The following ZBTB10 variants were observed in gnomAD, a reference collection of about 807,000 sequenced individuals.
ZBTB10 encodes zinc finger and BTB domain-containing protein 10.
ZBTB10 carries 32 observed loss-of-function variants against 76.4 expected under a neutral mutation model. That is an observed-to-expected ratio of 0.42 (90% CI 0.32 to 0.56). ZBTB10 has a LOEUF of 0.56. Among genes scored for constraint, ZBTB10 ranks in the 20% least tolerant of loss-of-function variants. The pLI is 0.14. For missense variants in ZBTB10, 1,057 were observed against 1,098.5 expected (o/e 0.96, Z 0.53); for synonymous variants, 523 against 432.9 (o/e 1.21, Z -2.58).
intron 1 of ZBTB10, among the ~76,000 whole-genome samples, chr8:80,491,834 A>G (rs1270034314): frequency 6.6e-6 from 1 of 152,248 alleles, no homozygotes; most frequent in East Asian, 1.9e-4. Context: ...TAAATCACAC[A>G]TCCTGTCAAC....
chr8:80,518,560 A>G lies in ZBTB10; in HGVS notation c.2118A>G (p.Lys706=). ...KYGLLPESWP[K]QETWENGESS... ...GATTATTGCCAGAATCTTGGCCAAA[A>G]CAAGAAACCTGGGAAAATGGCAAGT... Residue 706 remains lysine (K), a synonymous_variant, in exon 4 of 6, where the codon AAA becomes AAG. Transcript: ENST00000455036. 1 of 1,550,516 alleles carries G rather than the reference A, an allele frequency of 6.4e-7. No individual in the cohort carries two copies. The highest frequency in any genetic ancestry group is 8.7e-7 in the Non-Finnish European group (1 of 1,147,102).
At chr8:80,490,050 C>T (rs1235277954) in intron 1 of ZBTB10, among the ~76,000 whole-genome samples, 4 of 152,086 alleles carry the variant, frequency 2.6e-5, no homozygotes, top group African/African-American at 9.7e-5. Flanking sequence ...TTTTGTTTTT[C>T]GTTTTTCTTC....
chr8:80,500,344 A>G lies in ZBTB10; in HGVS notation c.1823A>G (p.Tyr608Cys), dbSNP rs372561877. ...DCSVMQPPVAYPEENTLLIKE... is the reference protein window; with the variant it reads ...DCSVMQPPVACPEENTLLIKE... ...TCAGTAATGCAGCCACCTGTTGCCT[A>G]TCCAGAAGAAAATACACTACTCATC... is the stretch of plus-strand genomic sequence containing the variant. Residue 608 changes from tyrosine to cysteine, a missense_variant, in exon 2 of 6, where the codon TAT becomes TGT. Transcript: ENST00000455036. 2 of 1,583,518 alleles carry G rather than the reference A, an allele frequency of 1.3e-6. No homozygotes were observed. The highest frequency in any genetic ancestry group is 2.3e-5 in the South Asian group (2 of 85,844).
intron 1 of ZBTB10, among the ~76,000 whole-genome samples, chr8:80,497,971 A>G (rs533651177): frequency 6.6e-6 from 1 of 152,146 alleles, no homozygotes; most frequent in African/African-American, 2.4e-5. Flanking sequence ...ATGTCCTGGA[A>G]TATTATTTGG....
Position 80,505,731 on chromosome 8 carries a change from G to A in ZBTB10, c.1861+5349G>A, listed in dbSNP as rs423653. Reference sequence around the variant, plus strand: ...CCAAACTAGATAGATATAAGAAATCGTAATAAGGCATATATTTGAGGCAGA... The same window carrying A: ...CCAAACTAGATAGATATAAGAAATCATAATAAGGCATATATTTGAGGCAGA... On this transcript the variant is annotated intron_variant, in intron 2 of 5. Coordinates refer to ENST00000455036, the MANE Select transcript of ZBTB10 (RefSeq NM_001105539.3). Among the ~76,000 whole-genome samples the A allele has an allele frequency of 4.4e-3, 673 of 151,904 alleles. 5 individuals carry two copies. The highest frequency in any genetic ancestry group is 0.013 in the African/African-American group (525 of 41,452).
intron 2 of ZBTB10, among the ~76,000 whole-genome samples, chr8:80,505,711 CTAGA>C (rs1816031916): frequency 6.6e-6 from 1 of 151,992 alleles, no homozygotes; most frequent in African/African-American, 2.4e-5. Flanking sequence ...AATATCCAAA[CTAGA>C]TAGATATAAG....
intron 2 of ZBTB10, among the ~76,000 whole-genome samples, chr8:80,510,679 T>TGTGTGTG (rs1491171565): frequency 6.8e-6 from 1 of 147,442 alleles, no homozygotes; most frequent in African/African-American, 2.5e-5. Context: ...TGTGTGTGTG[T>TGTGTGTG]TTTAGACAAG....
intron 2 of ZBTB10, among the ~76,000 whole-genome samples, chr8:80,501,858 T>C (rs900964870): frequency 5.9e-5 from 9 of 152,264 alleles, no homozygotes; most frequent in African/African-American, 2.2e-4. Flanking sequence ...TGTTTTGTCT[T>C]AATGTAGAAG....
Position 80,486,751 on chromosome 8 carries a change from A to G in ZBTB10, c.-60A>G. 3.7e-6 allele frequency: 4 copies of G among 1,070,448 alleles called. No individual in the cohort carries two copies. The highest frequency in any genetic ancestry group is 4.4e-5 in the South Asian group (1 of 22,918). 66.3% of individuals were successfully genotyped at this position (1,070,448 alleles called of 1,614,324 possible). ...GGGGGAGCCGCGGGGAGCGCGCGGG[A>G]CGCGGCCCGAGGCCGTGCGCGAGCC... is the stretch of plus-strand genomic sequence containing the variant. On this transcript the variant is annotated 5_prime_UTR_variant, in exon 1 of 6. Transcript: ENST00000455036.
At chr8:80,491,770 C>G (rs1182129170) in intron 1 of ZBTB10, among the ~76,000 whole-genome samples, 3 of 152,196 alleles carry the variant, frequency 2.0e-5, no homozygotes, top group Non-Finnish European at 4.4e-5. Flanking sequence ...ACAGTGATTA[C>G]CAGTTATTCT....
At chr8:80,518,189 A>C (rs144022249) in intron 3 of ZBTB10, among the ~76,000 whole-genome samples, 429 of 149,888 alleles carry the variant, frequency 2.9e-3, no homozygotes, top group Non-Finnish European at 4.3e-3. Context: ...TTTTAACTGA[A>C]TTTCTTCTAC....
intron 2 of ZBTB10, among the ~76,000 whole-genome samples, chr8:80,505,216 C>A (rs1292712537): frequency 2.0e-5 from 3 of 152,114 alleles, no homozygotes; most frequent in Admixed American, 2.0e-4. Context: ...CTCTAAGATA[C>A]AAAACAGCCT....
In ZBTB10 at chr8:80,487,632, G is replaced by C; in HGVS notation, c.822G>C (p.Trp274Cys). 1.2e-6 allele frequency: 2 copies of C among 1,613,864 alleles called. No individual in the cohort carries two copies. The highest frequency in any genetic ancestry group is 1.7e-6 in the Non-Finnish European group (2 of 1,179,880). ...ATACTGGTCTTATGTCTTGCGGCTG[G>C]TGCCAAAAGACCCCTGCAGATGGGG... ...SKDTGLMSCG[W>C]CQKTPADGGS... The change falls in exon 1 of 6, where the codon TGG becomes TGC. Residue 274 changes from tryptophan (W) to cysteine (C), a missense_variant. Coordinates refer to ENST00000455036, the MANE Select transcript of ZBTB10 (RefSeq NM_001105539.3).
chr8:80,487,858 AC>A, intron 1 of ZBTB10, 76 bp downstream of exon 1: 1 of 1,432,718 alleles, frequency 7.0e-7, no homozygotes, highest in Non-Finnish European at 9.2e-7. Flanking sequence ...ACCCCCACCC[AC>A]CCCCGAAAAA....
At chr8:80,493,861 G>A (rs1815714156) in intron 1 of ZBTB10, among the ~76,000 whole-genome samples, 1 of 152,088 alleles carries the variant, frequency 6.6e-6, no homozygotes, top group Non-Finnish European at 1.5e-5. Context: ...AATAACCATC[G>A]TCTGTCTGCT....
chr8:80,491,401 C>G (rs1330331401), intron 1 of ZBTB10, among the ~76,000 whole-genome samples: 2 of 152,188 alleles, frequency 1.3e-5, no homozygotes, highest in East Asian at 1.9e-4. Context: ...CGATGCATCT[C>G]TCAGATCATA....
At chr8:80,493,006 G>A (rs1471491685) in intron 1 of ZBTB10, among the ~76,000 whole-genome samples, 1 of 151,430 alleles carries the variant, frequency 6.6e-6, no homozygotes, top group Non-Finnish European at 1.5e-5. Context: ...TTGAGGTCAG[G>A]ACTTCGAGAC....
chr8:80,518,051 G>C (rs1020087984), intron 3 of ZBTB10, among the ~76,000 whole-genome samples: 1 of 151,640 alleles, frequency 6.6e-6, no homozygotes, highest in African/African-American at 2.4e-5. Flanking sequence ...TGTAGAGATG[G>C]AGATGGAGTT....
chr8:80,494,811 G>A (rs1376383693), intron 1 of ZBTB10, among the ~76,000 whole-genome samples: 1 of 151,464 alleles, frequency 6.6e-6, no homozygotes, highest in Non-Finnish European at 1.5e-5. Context: ...TATAGTCCCA[G>A]CTACTTGGGA....
Sources: allele counts gnomAD v4.1 joint callset (sites outside exome capture counted in the v4.1 genomes callset), GRCh38; gene constraint gnomAD v4.1.1; transcripts MANE v1.5; gene names NCBI Gene and HGNC (gene_info 2026-07-23, HGNC 2026-07-21).